DPP6: variants seen among roughly 807,000 people sequenced by gnomAD.
The protein encoded by DPP6 is A-type potassium channel modulatory protein DPP6.
In DPP6, 69 loss-of-function variants were observed where a neutral mutation model predicts 122.6. That is an observed-to-expected ratio of 0.56 (90% CI 0.46 to 0.69). The LOEUF (loss-of-function observed/expected upper bound fraction) is 0.69. DPP6 is among the 30% of genes least tolerant of loss of function. DPP6 has a pLI of 0.00. For synonymous variants in DPP6, 418 were observed against 433.1 expected (o/e 0.97, Z 0.43); for missense variants, 928 against 1,116.9 (o/e 0.83, Z 2.41).
intron 1 of DPP6, among the ~76,000 whole-genome samples, chr7:154,009,645 T>G (rs1318796803): frequency 6.6e-6 from 1 of 151,692 alleles, no homozygotes; most frequent in African/African-American, 2.4e-5. Flanking sequence ...ACCAGCTCAT[T>G]AATTCCTGCT....
chr7:153,920,444 T>G (rs887108), intron 1 of DPP6, among the ~76,000 whole-genome samples: 112,750 of 152,056 alleles, frequency 0.74, 42,019 homozygotes, highest in East Asian at 0.92. Flanking sequence ...ACAAGAGGCC[T>G]CAAAGCAGCG....
chr7:154,424,543 C>T (rs2151236670), intron 1 of DPP6, among the ~76,000 whole-genome samples: 1 of 152,318 alleles, frequency 6.6e-6, no homozygotes, highest in Non-Finnish European at 1.5e-5. Flanking sequence ...TTCTCCCTCC[C>T]TCTTCCACAT....
At chr7:154,254,989 C>T (rs1011074469) in intron 1 of DPP6, among the ~76,000 whole-genome samples, 2 of 151,470 alleles carry the variant, frequency 1.3e-5, no homozygotes, top group African/African-American at 4.9e-5. Context: ...TTTCCTTTTG[C>T]AAAACTAAAG....
intron 8 of DPP6, among the ~76,000 whole-genome samples, chr7:154,763,607 C>T (rs890352978): frequency 5.3e-5 from 8 of 152,180 alleles, no homozygotes; most frequent in African/African-American, 1.9e-4. Context: ...GCATCCTAGC[C>T]TCCCACCTTG....
chr7:154,801,329 G>A (rs191543350), intron 12 of DPP6, 26 bp from the exon 13 acceptor site: 2 of 1,560,380 alleles, frequency 1.3e-6, no homozygotes, highest in Admixed American at 1.9e-5. Context: ...TTTAGTTGTG[G>A]TTTCATCCGT....
At chr7:154,813,005 A>T (rs1799165182) in intron 16 of DPP6, among the ~76,000 whole-genome samples, 1 of 152,062 alleles carries the variant, frequency 6.6e-6, no homozygotes, top group Non-Finnish European at 1.5e-5. Context: ...TTTTTATTGT[A>T]CATACAAACC....
intron 6 of DPP6, among the ~76,000 whole-genome samples, chr7:154,664,765 G>C: frequency 6.6e-6 from 1 of 151,146 alleles, no homozygotes; most frequent in Non-Finnish European, 1.5e-5. Flanking sequence ...TGAGATATAA[G>C]CTATGAAATT....
intron 1 of DPP6, among the ~76,000 whole-genome samples, chr7:153,931,692 A>G (rs1401365522): frequency 1.3e-5 from 2 of 152,220 alleles, no homozygotes; most frequent in Non-Finnish European, 2.9e-5. Flanking sequence ...TTCCTTTTAC[A>G]AGTGACTTTT....
rs974148544 is a variant in DPP6 at position 154,875,877 on chromosome 7, G to T, written c.1884-29G>T. Reference sequence around the variant, plus strand: ...CCAGCCGCCACCCACCACGCAGCAGGCCTGCTGAGCCCGGGATTCTCTTTC... The same window carrying T: ...CCAGCCGCCACCCACCACGCAGCAGTCCTGCTGAGCCCGGGATTCTCTTTC... On this transcript the variant is annotated intron_variant, in intron 19 of 25. Coordinates refer to ENST00000377770, the MANE Select transcript of DPP6 (RefSeq NM_130797.4). The surrounding 1 kb of genome is among the most constrained non-coding windows in gnomAD (Gnocchi z 4.5). 5.7e-6 allele frequency: 9 copies of T among 1,588,240 alleles called. No homozygotes were observed. The highest frequency in any genetic ancestry group is 2.3e-5 in the South Asian group (2 of 87,784).
Position 154,062,036 on chromosome 7 carries a change from C to T in DPP6, c.243+8973C>T, listed in dbSNP as rs1297704660. On this transcript the variant is annotated intron_variant, in intron 1 of 25. Transcript: ENST00000377770. ...CGCAGGGGGGGGGAGGCACCCCCCG[C>T]GAGGCAGGGACTGACAGCCAGCCCC... Among the ~76,000 whole-genome samples the T allele has an allele frequency of 1.4e-3, 160 of 113,618 alleles. 11 individuals are homozygous for T. Among genetic ancestry groups the T allele is most frequent in the East Asian group, 3.3e-3 (12 of 3,674 alleles). The allele number at this position is 113,618 out of a possible 152,430, so 74.5% of individuals were successfully genotyped here.
chr7:154,521,242 T>C (rs1380686811), intron 3 of DPP6, among the ~76,000 whole-genome samples: 1 of 152,222 alleles, frequency 6.6e-6, no homozygotes, highest in East Asian at 1.9e-4. Flanking sequence ...TATTCTTTGC[T>C]GATCTTTATT....
chr7:154,214,060 A>G (rs961734824), intron 1 of DPP6, among the ~76,000 whole-genome samples: 1 of 152,204 alleles, frequency 6.6e-6, no homozygotes, highest in Non-Finnish European at 1.5e-5. Context: ...TGAAGCCCCC[A>G]AGGACAGCTG....
At chr7:154,087,750 C>T (rs1238370401) in intron 1 of DPP6, among the ~76,000 whole-genome samples, 2 of 152,104 alleles carry the variant, frequency 1.3e-5, no homozygotes, top group African/African-American at 2.4e-5. Context: ...GCCCAGTGGT[C>T]AAGTAAACAT....
At chr7:153,991,716 C>T (rs968007633) in intron 1 of DPP6, among the ~76,000 whole-genome samples, 2 of 152,162 alleles carry the variant, frequency 1.3e-5, no homozygotes, top group African/African-American at 4.8e-5. Context: ...CATTAGACAG[C>T]GGTCTGTGGG....
upstream of DPP6, among the ~76,000 whole-genome samples, chr7:153,884,991 T>C (rs256894): frequency 0.29 from 8,263 of 28,930 alleles, 374 homozygotes; most frequent in Middle Eastern, 0.41. Flanking sequence ...AACAAAAATA[T>C]ATATATATAT....
At chr7:154,290,762 T>C (rs1379787086) in intron 1 of DPP6, among the ~76,000 whole-genome samples, 1 of 152,138 alleles carries the variant, frequency 6.6e-6, no homozygotes, top group Non-Finnish European at 1.5e-5. Context: ...GCTTCTTACA[T>C]GAGCCATTCT....
intron 1 of DPP6, among the ~76,000 whole-genome samples, chr7:154,035,244 G>T (rs538316533): frequency 3.0e-3 from 462 of 152,368 alleles, no homozygotes; most frequent in African/African-American, 0.011. Context: ...GGGCGTGAAG[G>T]CTCCGTTCGT....
intron 6 of DPP6, among the ~76,000 whole-genome samples, chr7:154,639,839 A>T (rs1835955128): frequency 6.6e-6 from 1 of 152,196 alleles, no homozygotes; most frequent in African/African-American, 2.4e-5. Flanking sequence ...CTGTTCAACA[A>T]CCTGCAAGAA....
intron 1 of DPP6, among the ~76,000 whole-genome samples, chr7:154,302,387 AAAGTC>A (rs1204500789): frequency 6.6e-6 from 1 of 152,198 alleles, no homozygotes. Flanking sequence ...AAAAACAGCC[AAAGTC>A]AAGTATGTAA....
Sources: allele counts gnomAD v4.1 joint callset (sites outside exome capture counted in the v4.1 genomes callset), GRCh38; gene constraint gnomAD v4.1.1; non-coding constraint Gnocchi (gnomAD v3.1); transcripts MANE v1.5; gene names NCBI Gene and HGNC (gene_info 2026-07-23, HGNC 2026-07-21).